Variants in RASAL2 observed in about 807,000 individuals in gnomAD.
RASAL2 encodes the protein RAS protein activator like 2, also known as ras GTPase-activating protein nGAP.
RASAL2 carries 58 observed loss-of-function variants against 128.9 expected under a neutral mutation model. The observed-to-expected ratio is 0.45, with a 90% CI of 0.36 to 0.56. RASAL2 has a LOEUF of 0.56. Ranked by LOEUF, RASAL2 falls within the 20% of genes least tolerant of loss-of-function variation. RASAL2 has a pLI of 0.00. For missense variants in RASAL2, 1,360 were observed against 1,601.6 expected (o/e 0.85, Z 2.57); for synonymous variants, 561 against 580.8 (o/e 0.97, Z 0.49).
chr1:178,378,626 A>G (rs1314400879), intron 3 of RASAL2, among the ~76,000 whole-genome samples: 1 of 152,140 alleles, frequency 6.6e-6, no homozygotes, highest in African/African-American at 2.4e-5. Context: ...AATTAGTAAC[A>G]AAAATTTACT....
At chr1:178,131,829 A>G (rs897459742) in intron 1 of RASAL2, among the ~76,000 whole-genome samples, 26 of 152,156 alleles carry the variant, frequency 1.7e-4, no homozygotes, top group Non-Finnish European at 3.4e-4. Flanking sequence ...CTTAAATATT[A>G]TACTGTATTA....
intron 1 of RASAL2, among the ~76,000 whole-genome samples, chr1:178,172,720 A>G (rs1661744129): frequency 6.6e-6 from 1 of 152,118 alleles, no homozygotes; most frequent in Admixed American, 6.6e-5. Flanking sequence ...TAGGAGACAT[A>G]ATGAGATAGT....
At position 178,439,459 on chromosome 1, in the gene RASAL2, C is replaced by G; in HGVS notation, c.712C>G (p.His238Asp). 3.1e-6 allele frequency: 5 copies of G among 1,611,996 alleles called. No individual in the cohort carries two copies. The highest frequency in any genetic ancestry group is 4.2e-6 in the Non-Finnish European group (5 of 1,178,918). ...GLPKLKESRSHESLLSPCSTV... is the reference protein window; with the variant it reads ...GLPKLKESRSDESLLSPCSTV... Reference sequence around the variant, plus strand: ...GCCTAAACTAAAAGAGTCACGTTCCCATGAATCCTTGCTGAGCCCATGCAG... The same window carrying G: ...GCCTAAACTAAAAGAGTCACGTTCCGATGAATCCTTGCTGAGCCCATGCAG... The change falls in exon 6 of 18, where the codon CAT becomes GAT. Residue 238 changes from histidine to aspartate, a missense_variant. His to Asp is a moderately conservative substitution (Grantham distance 81). Around this residue, in one of 3 missense-constraint regions of RASAL2, gnomAD observed 617 missense variants for 714.2 expected, o/e 0.86. Transcript: ENST00000367649.
intron 3 of RASAL2, chr1:178,341,373 C>T (rs1295016129): frequency 1.5e-6 from 2 of 1,331,952 alleles, no homozygotes; most frequent in South Asian, 1.9e-5. Flanking sequence ...GTTTAGTGCT[C>T]TCTAGCAAAA....
At chr1:178,140,597 C>T (rs12748345) in intron 1 of RASAL2, among the ~76,000 whole-genome samples, 6 of 152,006 alleles carry the variant, frequency 3.9e-5, no homozygotes, top group Non-Finnish European at 7.4e-5. Context: ...TGGCCTTTTT[C>T]GTTTAGCAAT....
At position 178,327,292 on chromosome 1, in the gene RASAL2, A is replaced by AT. The variant is rs1669083382; in HGVS notation, c.457+27176dup. On this transcript the variant is annotated intron_variant, in intron 3 of 17. Transcript: ENST00000367649. ...TTAGAATCTTAGATAACAGAAAATT[A>AT]TTAATTTACCAGGGAGAATATAATT... Among the ~76,000 whole-genome samples the AT allele has an allele frequency of 1.3e-5, 2 of 152,272 alleles. 1 individual carries two copies. The highest frequency in any genetic ancestry group is 3.9e-4 in the East Asian group (2 of 5,192).
At chr1:178,470,558 T>A (rs906028419) in intron 17 of RASAL2, 1 of 553,026 alleles carries the variant, frequency 1.8e-6, no homozygotes, top group Non-Finnish European at 3.1e-6. Context: ...CCCCTGAGCA[T>A]GAGGAGACAC....
At chr1:178,139,629 GTTAT>G (rs1012493679) in intron 1 of RASAL2, among the ~76,000 whole-genome samples, 3 of 151,858 alleles carry the variant, frequency 2.0e-5, no homozygotes, top group Non-Finnish European at 2.9e-5. Flanking sequence ...CTGCAGGGAA[GTTAT>G]TTATTTATTT....
intron 3 of RASAL2, among the ~76,000 whole-genome samples, chr1:178,313,854 A>T (rs1010866773): frequency 3.9e-5 from 6 of 152,210 alleles, no homozygotes; most frequent in Non-Finnish European, 5.9e-5. Context: ...TAAGGTAAGG[A>T]AGATAAATTG....
intron 1 of RASAL2, among the ~76,000 whole-genome samples, chr1:178,103,575 A>G (rs1388786709): frequency 1.3e-5 from 2 of 151,848 alleles, no homozygotes; most frequent in African/African-American, 4.8e-5. Context: ...TCTTAATTTA[A>G]TTTTTTTTAA....
At chr1:178,318,882 C>T (rs1246258308) in intron 3 of RASAL2, among the ~76,000 whole-genome samples, 2 of 151,708 alleles carry the variant, frequency 1.3e-5, no homozygotes, top group Admixed American at 1.3e-4. Context: ...CAGTTTCTGC[C>T]TAGTCTCGAT....
chr1:178,385,021 C>T (rs1255200128), intron 3 of RASAL2, among the ~76,000 whole-genome samples: 1 of 152,128 alleles, frequency 6.6e-6, no homozygotes, highest in Non-Finnish European at 1.5e-5. Context: ...TAGCAGATAC[C>T]TTTCTCATTT....
chr1:178,322,115 A>G (rs1270398864), intron 3 of RASAL2, among the ~76,000 whole-genome samples: 1 of 152,020 alleles, frequency 6.6e-6, no homozygotes, highest in Non-Finnish European at 1.5e-5. Flanking sequence ...ATACAGGTAC[A>G]AGCCACTGCA....
At chr1:178,281,712 G>A (rs1236079640) in intron 1 of RASAL2, among the ~76,000 whole-genome samples, 1 of 152,090 alleles carries the variant, frequency 6.6e-6, no homozygotes, top group Non-Finnish European at 1.5e-5. Flanking sequence ...TAATTGTTTA[G>A]ACCACAAAAC....
chr1:178,289,866 T>G (rs1667198549), intron 2 of RASAL2, among the ~76,000 whole-genome samples: 1 of 152,214 alleles, frequency 6.6e-6, no homozygotes, highest in Non-Finnish European at 1.5e-5. Context: ...TGTTCCTCCC[T>G]AAGGCCGTGG....
At chr1:178,210,829 T>C (rs1663228435) in intron 1 of RASAL2, among the ~76,000 whole-genome samples, 1 of 152,240 alleles carries the variant, frequency 6.6e-6, no homozygotes, top group Non-Finnish European at 1.5e-5. Flanking sequence ...TTGTTTGCTC[T>C]GTCCAAACAC....
At chr1:178,202,224 C>T (rs1014375719) in intron 1 of RASAL2, among the ~76,000 whole-genome samples, 4 of 152,164 alleles carry the variant, frequency 2.6e-5, no homozygotes, top group East Asian at 1.9e-4. Flanking sequence ...TATACATGAT[C>T]GGGCTTGAGC....
chr1:178,461,304 A>G (rs1371591938), intron 14 of RASAL2, among the ~76,000 whole-genome samples: 2 of 152,178 alleles, frequency 1.3e-5, no homozygotes, highest in Admixed American at 6.5e-5. Context: ...AGGCGGCTGT[A>G]ATTATCAGTA....
intron 3 of RASAL2, among the ~76,000 whole-genome samples, chr1:178,327,326 A>G (rs1342848): frequency 0.25 from 37,971 of 151,976 alleles, 7,556 homozygotes; most frequent in African/African-American, 0.55. Flanking sequence ...TTAATAAAAT[A>G]CAGTTTATTT....
Sources: allele counts gnomAD v4.1 joint callset (sites outside exome capture counted in the v4.1 genomes callset), GRCh38; gene constraint gnomAD v4.1.1; regional missense constraint gnomAD v4.1.1; transcripts MANE v1.5; gene names NCBI Gene and HGNC (gene_info 2026-07-23, HGNC 2026-07-21).